Variants in DHRS9 observed in about 807,000 individuals in gnomAD.
DHRS9 encodes the protein dehydrogenase/reductase SDR family member 9.
In DHRS9, 18 loss-of-function variants were observed where a neutral mutation model predicts 26.6. The observed-to-expected ratio is 0.68, with a 90% CI of 0.47 to 1.00. DHRS9 has a LOEUF of 1.00. Ranked by LOEUF, DHRS9 falls within the 50% of genes least tolerant of loss-of-function variation. The pLI is 0.00. For missense variants in DHRS9, 425 were observed against 378.7 expected, an observed-to-expected ratio of 1.12 and a Z score of -1.01; for synonymous variants, 134 against 141.1, an observed-to-expected ratio of 0.95 and a Z score of 0.36.
At chr2:169,067,613 T>C (rs999570604), upstream of DHRS9, among the ~76,000 whole-genome samples, 1 of 152,170 alleles carries the variant, frequency 6.6e-6, no homozygotes, top group Non-Finnish European at 1.5e-5. Context: ...AAAACTCAAA[T>C]GGCAATTTGG....
At chr2:169,067,558 A>G (rs1574014536), upstream of DHRS9, among the ~76,000 whole-genome samples, 1 of 152,212 alleles carries the variant, frequency 6.6e-6, no homozygotes, top group Admixed American at 6.5e-5. Context: ...AAACATTAAA[A>G]TAAAATGCAC....
In DHRS9 at chr2:169,094,545, G is replaced by GT. The variant is rs577110862; in HGVS notation, c.737-984dup. Among the ~76,000 whole-genome samples, 1,026 of 137,232 alleles carry GT rather than the reference G, an allele frequency of 7.5e-3. 2 individuals carry two copies. Among genetic ancestry groups the GT allele is most frequent in the Middle Eastern group, 0.042 (11 of 262 alleles). 90.0% of individuals were successfully genotyped at this position (137,232 alleles called of 152,430 possible). ...ATTTCCTTTATGTTTTCTTCTAGTAGTTTTTTTTTTTTTTTAATAGAGATG... is the reference window on the plus strand; with the variant it reads ...ATTTCCTTTATGTTTTCTTCTAGTAGTTTTTTTTTTTTTTTTAATAGAGATG... On this transcript the variant is annotated intron_variant, in intron 4 of 4. Coordinates refer to ENST00000674881, the MANE Select transcript of DHRS9 (RefSeq NM_001376924.1).
chr2:169,078,111 G>T (rs1574023758), intron 1 of DHRS9, among the ~76,000 whole-genome samples: 1 of 152,216 alleles, frequency 6.6e-6, no homozygotes, highest in African/African-American at 2.4e-5. Flanking sequence ...GAAGGACACA[G>T]CACTCTAGTC....
At chr2:169,067,235 A>G (rs73970113), upstream of DHRS9, 3,517 of 1,535,586 alleles carry the variant, frequency 2.3e-3, 90 homozygotes, top group African/African-American at 0.042. Flanking sequence ...GATATACTCC[A>G]GAAGTTGGAC....
At chr2:169,095,293 C>T (rs1684657863) in intron 4 of DHRS9, among the ~76,000 whole-genome samples, 1 of 152,044 alleles carries the variant, frequency 6.6e-6, no homozygotes, top group Non-Finnish European at 1.5e-5. Context: ...GGAGGTGGAA[C>T]CGAGAAACCT....
intron 3 of DHRS9, among the ~76,000 whole-genome samples, chr2:169,089,209 G>T (rs1337868336): frequency 6.6e-6 from 1 of 152,216 alleles, no homozygotes; most frequent in Non-Finnish European, 1.5e-5. Context: ...TTTCTCTTCA[G>T]AGGACTGAAG....
At chr2:169,082,215 T>A (rs1684213619) in intron 2 of DHRS9, among the ~76,000 whole-genome samples, 1 of 152,162 alleles carries the variant, frequency 6.6e-6, no homozygotes, top group Admixed American at 6.6e-5. Flanking sequence ...CAAAGGAATT[T>A]AGACTAAAAT....
At chr2:169,081,485 T>C (rs1684179288) in intron 1 of DHRS9, 38 bp from the exon 2 acceptor site, 1 of 1,514,422 alleles carries the variant, frequency 6.6e-7, no homozygotes, top group Non-Finnish European at 8.8e-7. Flanking sequence ...GCCTTGGTAG[T>C]TCTAATTTGA....
chr2:169,080,216 G>T (rs1684140964), intron 1 of DHRS9, among the ~76,000 whole-genome samples: 1 of 152,100 alleles, frequency 6.6e-6, no homozygotes, highest in African/African-American at 2.4e-5. Context: ...GGAGTCTCAG[G>T]GTGGGTCAAG....
At chr2:169,095,466 T>C (rs923038488) in intron 4 of DHRS9, 78 bp from the exon 5 acceptor site, 3 of 1,113,570 alleles carry the variant, frequency 2.7e-6, no homozygotes, top group East Asian at 4.7e-5. Context: ...CTTGTATCCA[T>C]CCTCCCCTTT....
chr2:169,084,380 G>C (rs907988247), intron 3 of DHRS9, among the ~76,000 whole-genome samples: 1 of 152,054 alleles, frequency 6.6e-6, no homozygotes, highest in African/African-American at 2.4e-5. Flanking sequence ...TGGATCATAT[G>C]GTAGCTCAAT....
intron 1 of DHRS9, chr2:169,072,576 A>G: frequency 1.0e-6 from 1 of 985,126 alleles, no homozygotes; most frequent in Non-Finnish European, 1.2e-6. Flanking sequence ...TTTTACTAGG[A>G]AAACAAACTC....
chr2:169,072,638 A>G, intron 1 of DHRS9: 4 of 985,438 alleles, frequency 4.1e-6, no homozygotes, highest in Non-Finnish European at 4.8e-6. Flanking sequence ...GAGTTGCAAT[A>G]TTTTCCTTTG....
rs747814866 is a variant in DHRS9, at chr2:169,091,876, T to C, written c.659T>C (p.Ile220Thr). The change falls in exon 4 of 5, where the codon ATT (isoleucine) becomes ACT (threonine). Residue 220 changes from isoleucine to threonine, a missense_variant. Transcript: ENST00000674881. The part of the protein sequence containing the change: ...KTNLADPVKV[I>T]EKKLAIWEQL... ...AACTTGGCAGATCCAGTAAAGGTAA[T>C]TGAAAAAAAACTCGCCATTTGGGAG... 2.0e-5 allele frequency: 32 copies of C among 1,613,876 alleles called. No individual in the cohort carries two copies. The highest frequency in any genetic ancestry group is 2.6e-5 in the Non-Finnish European group (31 of 1,179,980).
upstream of DHRS9, chr2:169,069,559 T>C: frequency 2.0e-6 from 2 of 985,374 alleles, no homozygotes; most frequent in Non-Finnish European, 2.4e-6. Context: ...CTCACACATG[T>C]AGTACTCAGA....
chr2:169,093,822 T>G (rs543062496), intron 4 of DHRS9, among the ~76,000 whole-genome samples: 1 of 152,310 alleles, frequency 6.6e-6, no homozygotes, highest in African/African-American at 2.4e-5. Flanking sequence ...CAAGCTGGGA[T>G]AGTAGGAGTT....
chr2:169,072,743 T>C lies in DHRS9; in HGVS notation c.-60+3026T>C, dbSNP rs1201819036. On this transcript the variant is annotated intron_variant, in intron 1 of 4. Coordinates refer to ENST00000674881, the MANE Select transcript of DHRS9 (RefSeq NM_001376924.1). ...TGGTTTCTTTTGAATCTTTGTGATA[T>C]GGTAGAGAAAGTTTGATAAAGTGTT... 3 of 802,770 alleles carry C rather than the reference T, an allele frequency of 3.7e-6. No individual in the cohort carries two copies. In the African/African-American group the frequency reaches 5.6e-5, roughly 15 times the overall value. The allele number at this position is 802,770 out of a possible 1,614,324, so 49.7% of individuals were successfully genotyped here.
In DHRS9 at chr2:169,095,635, C is replaced by T; in HGVS notation, c.828C>T (p.Phe276=). ...TGGACCACGCTCTAACAAGTCTCTT[C>T]CCTAAGACTCATTATGCCGCTGGAA... ...ECMDHALTSL[F]PKTHYAAGKD... is the part of the protein sequence containing the mutation. The change falls in exon 5 of 5, where the codon TTC becomes TTT. Residue 276 remains phenylalanine, a synonymous_variant. Transcript: ENST00000674881. 1 of 1,613,964 alleles carries T rather than the reference C, an allele frequency of 6.2e-7. No individual in the cohort carries two copies. The highest frequency in any genetic ancestry group is 2.2e-5 in the East Asian group (1 of 44,874).
At chr2:169,089,693 C>T (rs1442575055) in intron 3 of DHRS9, among the ~76,000 whole-genome samples, 2 of 152,194 alleles carry the variant, frequency 1.3e-5, no homozygotes, top group Non-Finnish European at 2.9e-5. Context: ...GCCATTTGAT[C>T]AGGTTGCCAA....
Sources: gnomAD v4.1 joint callset for allele counts (sites outside exome capture counted in the v4.1 genomes callset) on GRCh38, gnomAD v4.1.1 for gene constraint, MANE v1.5 for transcripts, NCBI Gene and HGNC (gene_info 2026-07-23, HGNC 2026-07-21) for gene names.